NUDT7: variants seen among roughly 807,000 people sequenced by gnomAD.
NUDT7 encodes the protein peroxisomal coenzyme A diphosphatase NUDT7.
In NUDT7, 19 loss-of-function variants were observed where a neutral mutation model predicts 13.1. That is an observed-to-expected ratio of 1.45 (90% CI 1.01 to 2.13). NUDT7 has a LOEUF of 2.13. Ranked by LOEUF, NUDT7 falls within the 30% of genes most tolerant of loss-of-function variation. The probability of loss-of-function intolerance (pLI) is 0.00; values close to 1 mark genes in which losing one functional copy is unlikely to be tolerated. For missense variants in NUDT7, 360 were observed against 291.7 expected, an observed-to-expected ratio of 1.23 and a Z score of -1.71; for synonymous variants, 132 against 109.7, an observed-to-expected ratio of 1.20 and a Z score of -1.27.
chr16:77,722,592 C>T lies in NUDT7; in HGVS notation c.10C>T (p.Leu4Phe). The change falls in exon 1 of 4, where the codon CTT (leucine) becomes TTT (phenylalanine). Residue 4 changes from leucine to phenylalanine, a missense_variant. Transcript: ENST00000268533. MSR[L>F]GLPEEPVRNS... ...AACATTCCCCAGGGCAATGTCACGA[C>T]TTGGTCTTCCCGAGGAGCCAGTCAG... 2 of 1,593,472 alleles carry T rather than the reference C, an allele frequency of 1.3e-6. No homozygotes were observed. Among genetic ancestry groups the T allele is most frequent in the East Asian group, 2.3e-5 (1 of 43,910 alleles).
chr16:77,724,094 C>T (rs559252454), intron 1 of NUDT7, among the ~76,000 whole-genome samples: 8 of 152,200 alleles, frequency 5.3e-5, no homozygotes, highest in South Asian at 4.2e-4. Context: ...ATCAAGGTAT[C>T]GGCAGGGCCT....
intron 2 of NUDT7, among the ~76,000 whole-genome samples, chr16:77,732,734 G>A (rs932313957): frequency 1.3e-5 from 2 of 152,158 alleles, no homozygotes; most frequent in African/African-American, 2.4e-5. Context: ...TTGTTTACAC[G>A]ATGATGAAAT....
At chr16:77,731,170 T>G (rs1299622896) in intron 2 of NUDT7, among the ~76,000 whole-genome samples, 1 of 152,148 alleles carries the variant, frequency 6.6e-6, no homozygotes, top group Non-Finnish European at 1.5e-5. Context: ...AGGATAACAT[T>G]TTCTTGAGAG....
intron 2 of NUDT7, among the ~76,000 whole-genome samples, chr16:77,733,640 G>T (rs572094173): frequency 5.6e-4 from 85 of 152,318 alleles, no homozygotes; most frequent in South Asian, 1.0e-3. Flanking sequence ...GTCCAGGACT[G>T]ACCTTACAAG....
chr16:77,727,865 A>G (rs1212031411), intron 2 of NUDT7, among the ~76,000 whole-genome samples: 2 of 128,804 alleles, frequency 1.6e-5, no homozygotes, highest in African/African-American at 7.4e-5. Context: ...TCAATAATGA[A>G]TAAATAAATA....
Position 77,741,674 on chromosome 16 carries a change from G to A in NUDT7, c.441G>A (p.Val147=). 1 of 1,614,088 alleles carries A rather than the reference G, an allele frequency of 6.2e-7. No individual in the cohort carries two copies. Among genetic ancestry groups the A allele is most frequent in the South Asian group, 1.1e-5 (1 of 91,078 alleles). ...NPAEVKDVFL[V]PLAYFLHPQV... Reference sequence around the variant, plus strand: ...CTGAAGTTAAGGATGTATTCCTGGTGCCTCTGGCCTATTTCCTGCATCCAC... The same window carrying A: ...CTGAAGTTAAGGATGTATTCCTGGTACCTCTGGCCTATTTCCTGCATCCAC... The change falls in exon 4 of 4, where the codon GTG becomes GTA. Residue 147 remains valine, a synonymous_variant. Transcript: ENST00000268533.
chr16:77,722,818 G>A (rs2014001982), intron 1 of NUDT7, among the ~76,000 whole-genome samples: 1 of 152,156 alleles, frequency 6.6e-6, no homozygotes, highest in South Asian at 2.1e-4. Context: ...GAACAGAGCC[G>A]GCTTAAGCCA....
In NUDT7 at chr16:77,741,812, A is replaced by C; in HGVS notation, c.579A>C (p.Ala193=). Residue 193 remains alanine (A), a synonymous_variant, in exon 4 of 4, where the codon GCA becomes GCC. Transcript: ENST00000268533. ...CTTACCAGATCAAGGGAATGACGGC[A>C]AACCTTGCAGTGTTGGTGGCCTTTA... ...GVTYQIKGMT[A]NLAVLVAFII... 1 of 1,614,180 alleles carries C rather than the reference A, an allele frequency of 6.2e-7. No homozygotes were observed.
Position 77,741,990 on chromosome 16 carries a change from C to G in NUDT7, c.*40C>G. 2.6e-6 allele frequency: 4 copies of G among 1,521,950 alleles called. No homozygotes were observed. The highest frequency in any genetic ancestry group is 3.5e-6 in the Non-Finnish European group (4 of 1,142,298). The allele number at this position is 1,521,950 out of a possible 1,614,324, so 94.3% of individuals were successfully genotyped here. ...AGACAAAGAACTATTCACGAGGATTCTGTGTGTGCTTATTCGTAGAACAAC... is the reference window on the plus strand; with the variant it reads ...AGACAAAGAACTATTCACGAGGATTGTGTGTGTGCTTATTCGTAGAACAAC... On this transcript the variant is annotated 3_prime_UTR_variant, in exon 4 of 4. Coordinates refer to ENST00000268533, the MANE Select transcript of NUDT7 (RefSeq NM_001105663.3).
chr16:77,726,129 T>C (rs1183333403), intron 2 of NUDT7, among the ~76,000 whole-genome samples: 3 of 152,230 alleles, frequency 2.0e-5, no homozygotes, highest in Admixed American at 2.0e-4. Context: ...GCATAGAAGT[T>C]AACGGCCTAG....
chr16:77,738,772 C>T (rs994180474), intron 3 of NUDT7, among the ~76,000 whole-genome samples: 2 of 152,186 alleles, frequency 1.3e-5, no homozygotes, highest in African/African-American at 4.8e-5. Context: ...GCTGTGACAC[C>T]ACAACCCCCA....
At position 77,725,649 on chromosome 16, in the gene NUDT7, T is replaced by A. The variant is rs1423035221; in HGVS notation, c.189+65T>A. 54 of 1,490,714 alleles carry A rather than the reference T, an allele frequency of 3.6e-5. 1 individual carries two copies. The highest frequency in any genetic ancestry group is 4.9e-5 in the Non-Finnish European group (53 of 1,086,014). 92.3% of individuals were successfully genotyped at this position (1,490,714 alleles called of 1,614,324 possible). On this transcript the variant is annotated intron_variant, in intron 2 of 3. Transcript: ENST00000268533. ...CATCAGAAGACCTCACGAGATTTTG[T>A]CACTTGCACACACTTTGATGCCAAA... is the stretch of plus-strand genomic sequence containing the variant.
chr16:77,728,917 C>T (rs955601525), intron 2 of NUDT7, among the ~76,000 whole-genome samples: 1 of 152,152 alleles, frequency 6.6e-6, no homozygotes, highest in East Asian at 1.9e-4. Context: ...CCCTTGACCT[C>T]GCATCCCTCC....
At chr16:77,733,002 G>T (rs2014366749) in intron 2 of NUDT7, among the ~76,000 whole-genome samples, 1 of 152,148 alleles carries the variant, frequency 6.6e-6, no homozygotes, top group African/African-American at 2.4e-5. Context: ...GTAGAAATAT[G>T]TCCATCAGCC....
intron 2 of NUDT7, among the ~76,000 whole-genome samples, chr16:77,734,221 T>C (rs1397655327): frequency 6.6e-6 from 1 of 152,222 alleles, no homozygotes; most frequent in Non-Finnish European, 1.5e-5. Flanking sequence ...CACAGGCTCG[T>C]AAATTAAACA....
intron 2 of NUDT7, among the ~76,000 whole-genome samples, chr16:77,729,777 A>T (rs1241195535): frequency 6.6e-6 from 1 of 152,158 alleles, no homozygotes; most frequent in Non-Finnish European, 1.5e-5. Flanking sequence ...GTGAACCGAG[A>T]TTATCCCACT....
chr16:77,738,860 A>T (rs1474151163), intron 3 of NUDT7, among the ~76,000 whole-genome samples: 2 of 152,230 alleles, frequency 1.3e-5, no homozygotes, highest in African/African-American at 4.8e-5. Context: ...GAGTATGAGC[A>T]ACACATCTGT....
chr16:77,730,581 G>C (rs1209738556), intron 2 of NUDT7, among the ~76,000 whole-genome samples: 8 of 152,266 alleles, frequency 5.3e-5, no homozygotes, highest in African/African-American at 1.9e-4. Context: ...TGGGTGTGCA[G>C]AGACCTCTTC....
chr16:77,736,902 C>T (rs2014504871), intron 3 of NUDT7, among the ~76,000 whole-genome samples: 1 of 152,050 alleles, frequency 6.6e-6, no homozygotes, highest in Admixed American at 6.6e-5. Flanking sequence ...TTTAATAAAA[C>T]CTTTAATTTT....
Sources: allele counts gnomAD v4.1 joint callset (sites outside exome capture counted in the v4.1 genomes callset), GRCh38; gene constraint gnomAD v4.1.1; transcripts MANE v1.5; gene names NCBI Gene and HGNC (gene_info 2026-07-23, HGNC 2026-07-21).